The following UBR3 variants were observed in gnomAD, a reference collection of about 807,000 sequenced individuals.
UBR3 encodes ubiquitin protein ligase E3 component n-recognin 3.
A neutral mutation model predicts 243.2 loss-of-function variants in UBR3; 85 were observed. The ratio of observed to expected loss-of-function variants is 0.35; its 90% confidence interval spans 0.29 to 0.42. The LOEUF (loss-of-function observed/expected upper bound fraction) is 0.42, where lower values mean the gene tolerates loss of function less well. Ranked by LOEUF, UBR3 falls within the 10% of genes least tolerant of loss-of-function variation. The pLI, the probability that UBR3 is intolerant of heterozygous loss-of-function variation, is 1.00. For synonymous variants in UBR3, 748 were observed against 799.8 expected, an observed-to-expected ratio of 0.94 and a Z score of 1.09; for missense variants, 1,686 against 2,300.8, an observed-to-expected ratio of 0.73 and a Z score of 5.47.
intron 30 of UBR3, among the ~76,000 whole-genome samples, chr2:170,021,930 G>A (rs780646788): frequency 1.3e-5 from 2 of 152,102 alleles, no homozygotes; most frequent in African/African-American, 2.4e-5. Flanking sequence ...TCAGGACATA[G>A]GAGTCTTTGG....
intron 1 of UBR3, among the ~76,000 whole-genome samples, chr2:169,847,627 A>G (rs2082526439): frequency 6.6e-6 from 1 of 152,126 alleles, no homozygotes; most frequent in Non-Finnish European, 1.5e-5. Context: ...TCTACTTACT[A>G]TTTCCAGTGC....
At chr2:169,893,713 C>T (rs576730036) in intron 6 of UBR3, among the ~76,000 whole-genome samples, 34 of 152,230 alleles carry the variant, frequency 2.2e-4, no homozygotes, top group Admixed American at 1.2e-3. Flanking sequence ...AGGCGCATGC[C>T]ACCCCACCTG....
chr2:170,045,170 T>C (rs2091053909), intron 32 of UBR3, among the ~76,000 whole-genome samples: 1 of 152,094 alleles, frequency 6.6e-6, no homozygotes, highest in Non-Finnish European at 1.5e-5. Flanking sequence ...ACGTCTTACA[T>C]GGTAGCAGAC....
chr2:169,890,555 A>ATATGTGTGTATATATATATG lies in UBR3; in HGVS notation c.1039-607_1039-606insGTGTGTATATATATATGTAT, dbSNP rs1574134205. ...GAGAGAGAGAGATATATATATATAT[A>ATATGTGTGTATATATATATG]TATATATATGTGTATATATATATAT... On this transcript the variant is annotated intron_variant, in intron 5 of 38. Coordinates refer to ENST00000272793, the MANE Select transcript of UBR3 (RefSeq NM_172070.4). 4.0e-3 allele frequency among the ~76,000 whole-genome samples: 285 copies of ATATGTGTGTATATATATATG among 71,418 alleles called. 27 individuals are homozygous for ATATGTGTGTATATATATATG. The highest frequency in any genetic ancestry group is 0.018 in the African/African-American group (269 of 14,908). 46.9% of individuals were successfully genotyped at this position (71,418 alleles called of 152,430 possible).
At position 169,924,022 on chromosome 2, in the gene UBR3, C is replaced by CT. The variant is rs771595916; in HGVS notation, c.1932+38dup. 1,846 of 1,339,702 alleles carry CT rather than the reference C, an allele frequency of 1.4e-3. 1 individual carries two copies. The highest frequency in any genetic ancestry group is 2.8e-3 in the Admixed American group (112 of 39,666). The allele number at this position is 1,339,702 out of a possible 1,614,324, so 83.0% of individuals were successfully genotyped here. A position where few individuals can be genotyped will look rare whatever the true frequency, so the allele number is the denominator to read the frequency against. On this transcript the variant is annotated intron_variant, in intron 12 of 38. Coordinates refer to ENST00000272793, the MANE Select transcript of UBR3 (RefSeq NM_172070.4). The stretch of plus-strand genomic sequence containing the variant: ...AAGACTGTCATTAAACAATTCTGTT[C>CT]TTTTTTTTTTAATTTTCAGAAATAA...
chr2:169,844,561 G>A (rs1574028599), intron 1 of UBR3, among the ~76,000 whole-genome samples: 1 of 146,256 alleles, frequency 6.8e-6, no homozygotes, highest in Non-Finnish European at 1.5e-5. Context: ...TGGTGCAGTC[G>A]TGGCTCACTG....
chr2:170,058,345 T>C (rs1316213620), intron 33 of UBR3, among the ~76,000 whole-genome samples: 1 of 152,112 alleles, frequency 6.6e-6, no homozygotes, highest in Admixed American at 6.6e-5. Flanking sequence ...TGAAGGGGTG[T>C]TAATTTGATA....
chr2:169,856,273 T>G, intron 1 of UBR3, among the ~76,000 whole-genome samples: 2 of 128,880 alleles, frequency 1.6e-5, no homozygotes, highest in South Asian at 2.6e-4. Flanking sequence ...TCCCAGACGA[T>G]GGGCAGCCGG....
intron 24 of UBR3, among the ~76,000 whole-genome samples, chr2:169,984,308 A>G (rs2088896888): frequency 6.6e-6 from 1 of 152,190 alleles, no homozygotes; most frequent in Admixed American, 6.5e-5. Context: ...TTTGAGTTTT[A>G]ACAAACAGAT....
intron 27 of UBR3, among the ~76,000 whole-genome samples, 188 bp downstream of exon 27, chr2:170,001,602 A>G (rs1240493898): frequency 1.3e-5 from 2 of 152,088 alleles, no homozygotes; most frequent in African/African-American, 4.8e-5. Context: ...TTTCAGTTTC[A>G]TTTTAGCAAC....
chr2:169,857,076 T>G lies in UBR3; in HGVS notation c.546-15160T>G, dbSNP rs13022897. ...ATAATTTTATTATGTTTTTTTTTTTTTTTTTTTTTTTTTTTGAGACGGAGT... is the reference window on the plus strand; with the variant it reads ...ATAATTTTATTATGTTTTTTTTTTTGTTTTTTTTTTTTTTTGAGACGGAGT... On this transcript the variant is annotated intron_variant, in intron 1 of 38. Transcript: ENST00000272793. Among the ~76,000 whole-genome samples the G allele has an allele frequency of 3.6e-4, 24 of 66,670 alleles. 1 individual carries two copies. Among genetic ancestry groups the G allele is most frequent in the Middle Eastern group, 7.2e-3 (1 of 138 alleles). 43.7% of individuals were successfully genotyped at this position (66,670 alleles called of 152,430 possible). A position where few individuals can be genotyped will look rare whatever the true frequency, so the allele number is the denominator to read the frequency against.
chr2:169,936,678 C>A (rs944041476), intron 19 of UBR3, among the ~76,000 whole-genome samples: 5 of 152,052 alleles, frequency 3.3e-5, no homozygotes, highest in Non-Finnish European at 7.4e-5. Context: ...CCACTCCCCC[C>A]ACCCCACAAC....
At chr2:169,946,680 T>A (rs1345612708) in intron 21 of UBR3, among the ~76,000 whole-genome samples, 1 of 152,138 alleles carries the variant, frequency 6.6e-6, no homozygotes, top group East Asian at 1.9e-4. Context: ...AATTTGTAAT[T>A]CCTATCACAA....
chr2:169,862,786 T>C (rs903621541), intron 1 of UBR3, among the ~76,000 whole-genome samples: 1 of 152,194 alleles, frequency 6.6e-6, no homozygotes, highest in African/African-American at 2.4e-5. Context: ...ATAATTTTGT[T>C]AAAATTTAGT....
At chr2:169,900,340 A>T (rs1265636898) in intron 8 of UBR3, among the ~76,000 whole-genome samples, 3 of 151,614 alleles carry the variant, frequency 2.0e-5, no homozygotes, top group African/African-American at 4.8e-5. Flanking sequence ...TTTTGATAGG[A>T]TTGTTTTTTT....
At chr2:169,831,091 T>C (rs1174453753) in intron 1 of UBR3, among the ~76,000 whole-genome samples, 1 of 138,878 alleles carries the variant, frequency 7.2e-6, no homozygotes, top group Non-Finnish European at 1.5e-5. Context: ...CTGGCAACCC[T>C]CTATGAGTTG....
chr2:169,954,198 GTC>G (rs2087162924), intron 23 of UBR3, among the ~76,000 whole-genome samples: 1 of 151,052 alleles, frequency 6.6e-6, no homozygotes, highest in Admixed American at 6.6e-5. Flanking sequence ...GTCTTGTCTT[GTC>G]TTGTCTTGTC....
intron 24 of UBR3, among the ~76,000 whole-genome samples, chr2:169,983,739 G>GA (rs1182086873): frequency 6.6e-6 from 1 of 152,142 alleles, no homozygotes; most frequent in Non-Finnish European, 1.5e-5. Context: ...GCATTCAGAA[G>GA]AATCAGCTGC....
chr2:169,891,139 A>G (rs1298131341), intron 5 of UBR3, 26 bp from the exon 6 acceptor site: 70 of 1,523,106 alleles, frequency 4.6e-5, no homozygotes, highest in Non-Finnish European at 6.0e-5. Flanking sequence ...GTGACTGTGT[A>G]TAATGCTAAT....
Sources: gnomAD v4.1 joint callset for allele counts (sites outside exome capture counted in the v4.1 genomes callset) on GRCh38, gnomAD v4.1.1 for gene constraint, MANE v1.5 for transcripts, NCBI Gene and HGNC (gene_info 2026-07-23, HGNC 2026-07-21) for gene names.